Variants in PRMT3 observed in about 807,000 individuals in gnomAD.
PRMT3 encodes the protein protein arginine methyltransferase 3, also known as protein arginine N-methyltransferase 3.
In PRMT3, 62 loss-of-function variants were observed where a neutral mutation model predicts 71.9. The observed-to-expected ratio is 0.86, with a 90% CI of 0.70 to 1.07. The LOEUF (loss-of-function observed/expected upper bound fraction) is 1.07, where lower values mean the gene tolerates loss of function less well. Ranked by LOEUF, PRMT3 falls within the 50% of genes least tolerant of loss-of-function variation. The pLI is 0.00. For missense variants in PRMT3, 663 were observed against 643.0 expected, an observed-to-expected ratio of 1.03 and a Z score of -0.34; for synonymous variants, 213 against 220.4, an observed-to-expected ratio of 0.97 and a Z score of 0.30.
intron 5 of PRMT3, among the ~76,000 whole-genome samples, chr11:20,394,938 A>T (rs1357193750): frequency 6.6e-6 from 1 of 152,180 alleles, no homozygotes; most frequent in Non-Finnish European, 1.5e-5. Flanking sequence ...ACCTGCTACA[A>T]TAAGGACATG....
intron 10 of PRMT3, among the ~76,000 whole-genome samples, chr11:20,443,830 T>C (rs982627327): frequency 3.3e-5 from 5 of 152,202 alleles, no homozygotes; most frequent in African/African-American, 1.2e-4. Flanking sequence ...GAGAAAAAGC[T>C]AATACAAGTT....
chr11:20,427,727 A>G (rs1045803001), intron 10 of PRMT3, among the ~76,000 whole-genome samples: 2 of 148,988 alleles, frequency 1.3e-5, no homozygotes, highest in Non-Finnish European at 3.0e-5. Context: ...CTCCACCTCG[A>G]AAAAAAAAAT....
At chr11:20,398,408 A>C (rs1257436869) in intron 7 of PRMT3, among the ~76,000 whole-genome samples, 1 of 152,210 alleles carries the variant, frequency 6.6e-6, no homozygotes, top group Non-Finnish European at 1.5e-5. Context: ...TGTTTTGGTC[A>C]GTCAGACTGG....
chr11:20,480,402 C>T (rs1850901861), intron 13 of PRMT3, among the ~76,000 whole-genome samples: 1 of 151,980 alleles, frequency 6.6e-6, no homozygotes, highest in Admixed American at 6.6e-5. Context: ...TTGACCAAAG[C>T]CAAAAAATGT....
chr11:20,456,281 C>T (rs1351416553), intron 11 of PRMT3, among the ~76,000 whole-genome samples: 2 of 152,060 alleles, frequency 1.3e-5, no homozygotes, highest in Non-Finnish European at 1.5e-5. Context: ...CAGTCTCTGT[C>T]GTACTAAGAA....
chr11:20,502,557 C>T (rs921540455), intron 15 of PRMT3, among the ~76,000 whole-genome samples: 11 of 152,080 alleles, frequency 7.2e-5, no homozygotes, highest in Non-Finnish European at 1.5e-4. Flanking sequence ...AACAAATATC[C>T]ATTACTAATT....
Position 20,451,793 on chromosome 11 carries a change from G to T in PRMT3, c.994-337G>T, listed in dbSNP as rs563755819. 6.6e-5 allele frequency among the ~76,000 whole-genome samples: 10 copies of T among 152,204 alleles called. No individual in the cohort carries two copies. The South Asian group carries it at 2.1e-3, about 32-fold the overall frequency. On this transcript the variant is annotated intron_variant, in intron 10 of 15. Transcript: ENST00000331079. ...AAGTGGAGAACCACTGCTCTAGATG[G>T]ATATTGCATCATTCCAGGGAGTTAT...
intron 10 of PRMT3, among the ~76,000 whole-genome samples, chr11:20,449,356 A>G (rs1850099138): frequency 6.6e-6 from 1 of 152,158 alleles, no homozygotes; most frequent in African/African-American, 2.4e-5. Flanking sequence ...AATATGGTCT[A>G]TGGAAAATTT....
chr11:20,407,471 A>C (rs1849096510), intron 8 of PRMT3: 1 of 157,426 alleles, frequency 6.4e-6, no homozygotes, highest in East Asian at 1.8e-4. Context: ...TTGCATGTTA[A>C]AGTAAAATTC....
chr11:20,465,911 G>GA (rs1410632362), intron 13 of PRMT3, among the ~76,000 whole-genome samples: 1 of 152,010 alleles, frequency 6.6e-6, no homozygotes, highest in African/African-American at 2.4e-5. Flanking sequence ...CATGAGGGTT[G>GA]AAAAAAGACC....
At chr11:20,441,589 G>C (rs1271937232) in intron 10 of PRMT3, among the ~76,000 whole-genome samples, 1 of 151,872 alleles carries the variant, frequency 6.6e-6, no homozygotes. Flanking sequence ...TTACAGGCTT[G>C]AGCCACCGCG....
intron 13 of PRMT3, among the ~76,000 whole-genome samples, chr11:20,466,082 G>T (rs1247707195): frequency 6.6e-6 from 1 of 152,174 alleles, no homozygotes; most frequent in Non-Finnish European, 1.5e-5. Flanking sequence ...TCAAAAGCTT[G>T]TGCATATTTG....
chr11:20,408,014 A>C lies in PRMT3; in HGVS notation c.875A>C (p.Gln292Pro). 6.3e-7 allele frequency: 1 copy of C among 1,583,186 alleles called. No individual in the cohort carries two copies. The highest frequency in any genetic ancestry group is 8.7e-7 in the Non-Finnish European group (1 of 1,153,126). ...LGVDQSEILYQAMDIIRLNKL... is the reference protein window; with the variant it reads ...LGVDQSEILYPAMDIIRLNKL... ...GTTGATCAATCTGAAATACTTTACCAGGCAATGGATATTATAAGGTACATA... is the reference window on the plus strand; with the variant it reads ...GTTGATCAATCTGAAATACTTTACCCGGCAATGGATATTATAAGGTACATA... Residue 292 changes from glutamine to proline, a missense_variant, in exon 9 of 16, where the codon CAG becomes CCG. Transcript: ENST00000331079.
intron 3 of PRMT3, 54 bp from the exon 4 acceptor site, chr11:20,392,157 G>C (rs1848728564): frequency 5.2e-6 from 8 of 1,524,962 alleles, no homozygotes; most frequent in Non-Finnish European, 7.1e-6. Context: ...GAATAGGTCA[G>C]TTAAACAAAA....
At chr11:20,436,214 T>G (rs887983470) in intron 10 of PRMT3, among the ~76,000 whole-genome samples, 15 of 152,232 alleles carry the variant, frequency 9.9e-5, no homozygotes, top group Non-Finnish European at 1.8e-4. Flanking sequence ...GTTTTTAGAT[T>G]TTCTGTATAA....
In PRMT3 at chr11:20,494,157, A is replaced by AC. The variant is rs1187419565; in HGVS notation, c.1399-8dup. 6.3e-7 allele frequency: 1 copy of AC among 1,587,892 alleles called. No individual in the cohort carries two copies. Among genetic ancestry groups the AC allele is most frequent in the Non-Finnish European group, 8.6e-7 (1 of 1,156,562 alleles). ...ACTTCATCAAATACCTTTGAACTTT[A>AC]CCAATTCAGGTCGTGTTCTCTACGG... On this transcript the variant is annotated splice_polypyrimidine_tract_variant and intron_variant, in intron 14 of 15. Transcript: ENST00000331079.
chr11:20,449,675 T>C (rs1471294339), intron 10 of PRMT3, among the ~76,000 whole-genome samples: 1 of 152,172 alleles, frequency 6.6e-6, no homozygotes, highest in African/African-American at 2.4e-5. Flanking sequence ...ATCACCACCA[T>C]TATTTGTCAG....
At chr11:20,492,604 C>T (rs1002294885) in intron 13 of PRMT3, among the ~76,000 whole-genome samples, 1 of 152,094 alleles carries the variant, frequency 6.6e-6, no homozygotes, top group Non-Finnish European at 1.5e-5. Flanking sequence ...TTCAAAAAAT[C>T]AGTGTCCTGT....
intron 11 of PRMT3, among the ~76,000 whole-genome samples, chr11:20,457,928 C>T (rs1024924551): frequency 3.0e-4 from 46 of 152,116 alleles, no homozygotes; most frequent in Middle Eastern, 3.2e-3. Context: ...AAGCATATTA[C>T]AGCTATATGT....
Sources: gnomAD v4.1 joint callset for allele counts (sites outside exome capture counted in the v4.1 genomes callset) on GRCh38, gnomAD v4.1.1 for gene constraint, MANE v1.5 for transcripts, NCBI Gene and HGNC (gene_info 2026-07-23, HGNC 2026-07-21) for gene names.